The following ANKRD36C variants were observed in gnomAD, a reference collection of about 807,000 sequenced individuals.
ANKRD36C encodes the protein ankyrin repeat domain-containing protein 36C.
A neutral mutation model predicts 276.4 loss-of-function variants in ANKRD36C; 61 were observed. The observed-to-expected ratio is 0.22, with a 90% CI of 0.18 to 0.27. ANKRD36C has a LOEUF of 0.27. ANKRD36C is among the 10% of genes least tolerant of loss of function. ANKRD36C has a pLI of 1.00. For missense variants in ANKRD36C, 1,447 were observed against 2,032.3 expected (o/e 0.71, Z 5.54); for synonymous variants, 483 against 680.1 (o/e 0.71, Z 4.51).
intron 52 of ANKRD36C, among the ~76,000 whole-genome samples, chr2:95,885,449 C>G (rs1231473199): frequency 6.6e-6 from 1 of 151,464 alleles, no homozygotes; most frequent in African/African-American, 2.4e-5. Context: ...TCCAGTAGTT[C>G]TTGGAGAAGC....
At chr2:95,990,121 G>A (rs1305331877) in intron 1 of ANKRD36C, among the ~76,000 whole-genome samples, 1 of 152,032 alleles carries the variant, frequency 6.6e-6, no homozygotes, top group South Asian at 2.1e-4. Context: ...ATATAAGTAG[G>A]CATTTGTGGT....
chr2:95,918,901 C>G (rs1339970588), intron 34 of ANKRD36C, among the ~76,000 whole-genome samples: 1 of 139,006 alleles, frequency 7.2e-6, no homozygotes, highest in Non-Finnish European at 1.6e-5. Flanking sequence ...CATGATACTT[C>G]TTGGGAGTAT....
chr2:95,987,918 T>C (rs1164377183), intron 1 of ANKRD36C, among the ~76,000 whole-genome samples: 14 of 152,140 alleles, frequency 9.2e-5, no homozygotes, highest in Admixed American at 1.3e-4. Context: ...TTCTCTTATA[T>C]AAGCTACTAT....
At chr2:95,977,891 GAAT>G (rs1678845774) in intron 6 of ANKRD36C, among the ~76,000 whole-genome samples, 1 of 151,866 alleles carries the variant, frequency 6.6e-6, no homozygotes, top group African/African-American at 2.4e-5. Flanking sequence ...AGATCATCTA[GAAT>G]ATTAGGAACC....
intron 6 of ANKRD36C, among the ~76,000 whole-genome samples, chr2:95,966,546 T>C (rs567242163): frequency 6.6e-6 from 1 of 152,330 alleles, no homozygotes; most frequent in East Asian, 1.9e-4. Flanking sequence ...ACCAGTACCA[T>C]GCTGTTTTCA....
intron 3 of ANKRD36C, among the ~76,000 whole-genome samples, chr2:95,984,052 G>GT (rs1341179346): frequency 6.6e-6 from 1 of 152,148 alleles, no homozygotes; most frequent in Non-Finnish European, 1.5e-5. Flanking sequence ...ATTATTTATG[G>GT]TATGTATAAA....
exon 37 of ANKRD36C, chr2:95,916,143 C>G (rs772789510): frequency 6.2e-7 from 1 of 1,605,348 alleles, no homozygotes; most frequent in South Asian, 1.1e-5. Flanking sequence ...GTTTCATTAC[C>G]TTCAAGGCTG....
At chr2:95,881,658 C>G (rs1157123438) in intron 56 of ANKRD36C, among the ~76,000 whole-genome samples, 2 of 152,154 alleles carry the variant, frequency 1.3e-5, no homozygotes, top group Non-Finnish European at 2.9e-5. Context: ...TGGTTTATCC[C>G]AATTCTAGCA....
At chr2:95,977,919 AT>A (rs1373458724) in intron 6 of ANKRD36C, among the ~76,000 whole-genome samples, 4 of 152,026 alleles carry the variant, frequency 2.6e-5, no homozygotes, top group Admixed American at 1.3e-4. Flanking sequence ...TTAAATAATA[AT>A]TTTTTTCATA....
intron 3 of ANKRD36C, among the ~76,000 whole-genome samples, chr2:95,984,751 T>C (rs183926216): frequency 6.6e-6 from 1 of 152,274 alleles, no homozygotes; most frequent in East Asian, 1.9e-4. Flanking sequence ...ACTAAATTAT[T>C]AAAATAATAT....
intron 2 of ANKRD36C, 61 bp from the exon 3 acceptor site, chr2:95,986,985 G>A: frequency 6.2e-7 from 1 of 1,610,244 alleles, no homozygotes; most frequent in Non-Finnish European, 8.5e-7. Context: ...CACTCCGTAG[G>A]ATTTCCTACT....
intron 17 of ANKRD36C, among the ~76,000 whole-genome samples, chr2:95,948,073 AG>A (rs1234955940): frequency 1.1e-4 from 16 of 152,132 alleles, no homozygotes; most frequent in African/African-American, 3.9e-4. Flanking sequence ...AGAAATGAAA[AG>A]AAACTATATG....
At position 95,893,462 on chromosome 2, in the gene ANKRD36C, G is replaced by T. The variant is rs1339710121; in HGVS notation, c.2756-1602C>A. 11 of 1,524,700 alleles carry T rather than the reference G, an allele frequency of 7.2e-6. No homozygotes were observed. In the East Asian group the frequency reaches 2.7e-4, roughly 37 times the overall value. The allele number at this position is 1,524,700 out of a possible 1,614,324, so 94.4% of individuals were successfully genotyped here. On this transcript the variant is annotated intron_variant, in intron 44 of 66. Coordinates refer to ENST00000456556, the Ensembl canonical transcript of ANKRD36C. ...GTGCAGCTTCGACGAGCCCCCCGCT[G>T]ATTTATTTGGGGAAGGGAACTTCTT... is the stretch of plus-strand genomic sequence containing the variant.
Position 95,919,608 on chromosome 2 carries a change from G to A in ANKRD36C, c.2246-1566C>T, listed in dbSNP as rs551546396. The A allele has an allele frequency of 2.3e-3, 1,092 of 484,758 alleles. 135 individuals are homozygous for A. The highest frequency in any genetic ancestry group is 7.4e-3 in the Admixed American group (95 of 12,762). The allele number at this position is 484,758 out of a possible 1,614,324, so 30.0% of individuals were successfully genotyped here. On this transcript the variant is annotated intron_variant, in intron 34 of 66. Transcript: ENST00000456556. ...ATTTATTACAAATGAAAAATCTCAG[G>A]CCTGCTGAATCAGAATGTGCAGCTT...
chr2:95,873,528 A>T (rs1301260748), intron 59 of ANKRD36C, among the ~76,000 whole-genome samples: 1 of 152,194 alleles, frequency 6.6e-6, no homozygotes, highest in Non-Finnish European at 1.5e-5. Flanking sequence ...CAAAATAATA[A>T]GAGCTATCTA....
Position 95,916,023 on chromosome 2 carries a change from C to T in ANKRD36C, c.2406G>A (p.Ser802=), listed in dbSNP as rs527372178. 191 of 1,568,700 alleles carry T rather than the reference C, an allele frequency of 1.2e-4. No individual in the cohort carries two copies. Among genetic ancestry groups the T allele is most frequent in the Admixed American group, 7.4e-5 (4 of 53,936 alleles). Residue 802 remains serine (S), a synonymous_variant, in exon 38 of 67, where the codon TCG becomes TCA. Coordinates refer to ENST00000456556, the Ensembl canonical transcript of ANKRD36C. ...CATCCTTTTTTTCTCTGGTTATATT[C>T]GAAAAAGAATCTTTCTCATCACTTG...
chr2:95,948,483 A>G, intron 17 of ANKRD36C, 47 bp downstream of exon 17: 1 of 1,495,102 alleles, frequency 6.7e-7, no homozygotes, highest in Non-Finnish European at 8.9e-7. Context: ...TAATATAAAA[A>G]ATGAGATTCG....
intron 42 of ANKRD36C, 51 bp downstream of exon 46, chr2:95,910,322 C>G: frequency 6.7e-7 from 1 of 1,499,442 alleles, no homozygotes; most frequent in Non-Finnish European, 8.9e-7. Context: ...GAGAAGAGAA[C>G]TTCTTATCTA....
At chr2:95,873,311 T>C (rs1186501641) in intron 59 of ANKRD36C, among the ~76,000 whole-genome samples, 3 of 152,194 alleles carry the variant, frequency 2.0e-5, no homozygotes, top group Non-Finnish European at 4.4e-5. Context: ...TCAAAAAGCT[T>C]ATCCACCATG....
Sources: allele counts gnomAD v4.1 joint callset (sites outside exome capture counted in the v4.1 genomes callset), GRCh38; gene constraint gnomAD v4.1.1; transcripts MANE v1.5; gene names NCBI Gene and HGNC (gene_info 2026-07-23, HGNC 2026-07-21).